SYNE2: variants seen among roughly 807,000 people sequenced by gnomAD.
SYNE2 encodes the protein spectrin repeat containing nuclear envelope protein 2.
A neutral mutation model predicts 856.3 loss-of-function variants in SYNE2; 431 were observed. The observed-to-expected ratio is 0.50, with a 90% confidence interval of 0.47 to 0.55. The LOEUF (loss-of-function observed/expected upper bound fraction) is 0.55, where lower values mean the gene tolerates loss of function less well. SYNE2 is among the 20% of genes least tolerant of loss of function. The pLI, the probability that SYNE2 is intolerant of heterozygous loss-of-function variation, is 0.00. For synonymous variants in SYNE2, 2,923 were observed against 2,872.3 expected (o/e 1.02, Z -0.56); for missense variants, 8,129 against 8,023.2 (o/e 1.01, Z -0.50).
intron 1 of SYNE2, among the ~76,000 whole-genome samples, chr14:63,816,075 A>G (rs1888976540): frequency 6.6e-6 from 1 of 151,642 alleles, no homozygotes; most frequent in Non-Finnish European, 1.5e-5. Context: ...CAGACTCCCA[A>G]GTAGATGGGA....
At position 63,909,039 on chromosome 14, in the gene SYNE2, T is replaced by C. The variant is rs898452107; in HGVS notation, c.-51-59T>C. On this transcript the variant is annotated intron_variant, in intron 1 of 115. Transcript: ENST00000555002. ...GTTGCTGCTGTTTTCTGGCAATGCA[T>C]GTTTACTAGAAACAGAGCTGCAAAG... The C allele has an allele frequency of 3.6e-5, 30 of 844,150 alleles. No homozygotes were observed. In the African/African-American group the frequency reaches 4.5e-4, roughly 13 times the overall value. The allele number at this position is 844,150 out of a possible 1,614,324, so 52.3% of individuals were successfully genotyped here.
rs886830410 is a variant in SYNE2 at position 64,039,733 on chromosome 14, T to G, written c.7222-8267T>G. Among the ~76,000 whole-genome samples, 19 of 152,308 alleles carry G rather than the reference T, an allele frequency of 1.2e-4. 2 individuals carry two copies. Among genetic ancestry groups the G allele is most frequent in the Admixed American group, 9.2e-4 (14 of 15,300 alleles). On this transcript the variant is annotated intron_variant, in intron 45 of 115. Transcript: ENST00000555002. Reference sequence around the variant, plus strand: ...TTTAAAATTATACTTTGTCTTGAGTTTATGCTAAGTATAATTTCTGTTTTA... The same window carrying G: ...TTTAAAATTATACTTTGTCTTGAGTGTATGCTAAGTATAATTTCTGTTTTA...
At chr14:64,141,589 T>C (rs2098139717) in intron 81 of SYNE2, 66 bp downstream of exon 81, 5 of 1,532,980 alleles carry the variant, frequency 3.3e-6, no homozygotes, top group Non-Finnish European at 4.5e-6. Context: ...CTTTTAAAAT[T>C]ATTTCTCTGA....
intron 1 of SYNE2, among the ~76,000 whole-genome samples, chr14:63,815,416 T>G (rs200144786): frequency 6.6e-6 from 1 of 151,696 alleles, no homozygotes; most frequent in East Asian, 1.9e-4. Context: ...AAGAAAGATA[T>G]AGGCTAGGAG....
chr14:64,212,979 C>T lies in SYNE2; in HGVS notation c.19030C>T (p.His6344Tyr). Residue 6344 changes from histidine (H) to tyrosine (Y), a missense_variant, in exon 105 of 116, where the codon CAC becomes TAC. Coordinates refer to ENST00000555002, the MANE Select transcript of SYNE2 (RefSeq NM_182914.3). ...GGTGTTTGGAAGGGTCTCCCGGTTC[C>T]ACCGGCGGCTCACCTCCTGCACTCC... ...QEVFGRVSRFHRRLTSCTPGL... is the reference protein window; with the variant it reads ...QEVFGRVSRFYRRLTSCTPGL... 1.9e-6 allele frequency: 3 copies of T among 1,613,828 alleles called. No individual in the cohort carries two copies. The highest frequency in any genetic ancestry group is 2.5e-6 in the Non-Finnish European group (3 of 1,179,998).
intron 64 of SYNE2, among the ~76,000 whole-genome samples, chr14:64,107,068 T>G (rs1406900385): frequency 2.6e-5 from 4 of 152,236 alleles, no homozygotes; most frequent in African/African-American, 9.6e-5. Context: ...TTGCTCAGGC[T>G]GGTCTCAAAC....
rs12589702 is a variant in SYNE2 at position 64,102,177 on chromosome 14, T to C, written c.12492+135T>C. 146,321 of 665,070 alleles carry C rather than the reference T, an allele frequency of 0.22. 19,943 individuals are homozygous for C. The highest frequency in any genetic ancestry group is 0.46 in the East Asian group (15,972 of 34,734). 41.2% of individuals were successfully genotyped at this position (665,070 alleles called of 1,614,324 possible). Reference sequence around the variant, plus strand: ...TGTCGCCCAGACTGGAGTGCAGTCGTATGATCTCAGCTCACTGCAACCTCC... The same window carrying C: ...TGTCGCCCAGACTGGAGTGCAGTCGCATGATCTCAGCTCACTGCAACCTCC... On this transcript the variant is annotated intron_variant, in intron 64 of 115. Coordinates refer to ENST00000555002, the MANE Select transcript of SYNE2 (RefSeq NM_182914.3).
At chr14:64,044,629 C>T (rs1177207256) in intron 45 of SYNE2, among the ~76,000 whole-genome samples, 2 of 152,158 alleles carry the variant, frequency 1.3e-5, no homozygotes, top group African/African-American at 4.8e-5. Context: ...TCCCATGTGT[C>T]ATGGGAGGAA....
chr14:64,082,809 C>G (rs1335439949), intron 57 of SYNE2, among the ~76,000 whole-genome samples: 1 of 152,228 alleles, frequency 6.6e-6, no homozygotes, highest in South Asian at 2.1e-4. Context: ...CCTTCCACTT[C>G]TAACACACCA....
At chr14:63,970,179 A>C (rs2096455380) in intron 11 of SYNE2, among the ~76,000 whole-genome samples, 1 of 148,726 alleles carries the variant, frequency 6.7e-6, no homozygotes, top group Non-Finnish European at 1.5e-5. Flanking sequence ...TTTCTTACCT[A>C]CTCTGCCAAT....
At chr14:64,087,973 A>G (rs2097576820) in intron 58 of SYNE2, 117 bp downstream of exon 58, 1 of 1,079,480 alleles carries the variant, frequency 9.3e-7, no homozygotes, top group African/African-American at 1.6e-5. Context: ...ACTTGAGGTC[A>G]GGAGTTCAAG....
intron 2 of SYNE2, among the ~76,000 whole-genome samples, chr14:63,914,967 G>A (rs1303182967): frequency 6.6e-6 from 1 of 152,068 alleles, no homozygotes; most frequent in Non-Finnish European, 1.5e-5. Context: ...TAGTAGAGAT[G>A]GGGTTTTGCC....
chr14:64,070,794 A>G lies in SYNE2; in HGVS notation c.10581A>G (p.Leu3527=). 5 of 1,614,220 alleles carry G rather than the reference A, an allele frequency of 3.1e-6. No individual in the cohort carries two copies. The highest frequency in any genetic ancestry group is 4.2e-6 in the Non-Finnish European group (5 of 1,180,036). The stretch of plus-strand genomic sequence containing the variant: ...AGAACGTGGAGAAGCAACAGCTGTT[A>G]CTGACTCTACTTCTTCAGCGCATCA... ...YGENVEKQQL[L]LTLLLQRIRS... is the part of the protein sequence containing the mutation. Residue 3527 remains leucine (L), a synonymous_variant, in exon 52 of 116, where the codon TTA becomes TTG. Coordinates refer to ENST00000555002, the MANE Select transcript of SYNE2 (RefSeq NM_182914.3).
In SYNE2 at chr14:64,182,204, C is replaced by T. The variant is rs759460729; in HGVS notation, c.17557-4220C>T. On this transcript the variant is annotated intron_variant, in intron 96 of 115. Transcript: ENST00000555002. ...AAATCCTGTGCAACACACCGCTTTT[C>T]GCAGCCAAACAACTTGAAATTTTAC... is the stretch of plus-strand genomic sequence containing the variant. Among the ~76,000 whole-genome samples, 14 of 152,122 alleles carry T rather than the reference C, an allele frequency of 9.2e-5. No homozygotes were observed. In the East Asian group the frequency reaches 9.7e-4, roughly 10 times the overall value.
rs1428217691 is a variant in SYNE2, at chr14:64,121,919, G to T, written c.13159-93G>T. 2.0e-6 allele frequency: 3 copies of T among 1,525,548 alleles called. No individual in the cohort carries two copies. In the East Asian group the frequency reaches 6.8e-5, roughly 34 times the overall value. 94.5% of individuals were successfully genotyped at this position (1,525,548 alleles called of 1,614,324 possible). On this transcript the variant is annotated intron_variant, in intron 68 of 115. Coordinates refer to ENST00000555002, the MANE Select transcript of SYNE2 (RefSeq NM_182914.3). ...ATAGTAATTAATGATTTAGGAACTG[G>T]CTCAAAATTAGATTTATCTCAGCAG... is the stretch of plus-strand genomic sequence containing the variant.
intron 1 of SYNE2, among the ~76,000 whole-genome samples, chr14:63,773,036 C>T (rs149965091): frequency 3.6e-4 from 55 of 151,948 alleles, no homozygotes; most frequent in African/African-American, 6.0e-4. Flanking sequence ...CCTCGGCCTC[C>T]GAAAGTGCTG....
At chr14:63,938,908 G>A (rs757585980) in intron 2 of SYNE2, among the ~76,000 whole-genome samples, 7 of 152,130 alleles carry the variant, frequency 4.6e-5, no homozygotes, top group Admixed American at 1.3e-4. Context: ...AAATGAGAGA[G>A]ACCTGAGAGT....
In SYNE2 at chr14:64,024,308, G is replaced by C. The variant is rs773841153; in HGVS notation, c.5689G>C (p.Val1897Leu). 1.9e-6 allele frequency: 3 copies of C among 1,614,048 alleles called. No individual in the cohort carries two copies. In the South Asian group the frequency reaches 3.3e-5, roughly 18 times the overall value. The change falls in exon 39 of 116, where the codon GTA (valine) becomes CTA (leucine). Residue 1897 changes from valine to leucine, a missense_variant. Val to Leu is a conservative substitution (Grantham distance 32). Around this residue, in one of 3 missense-constraint regions of SYNE2, gnomAD observed 2,422 missense variants for 2,357.4 expected, o/e 1.03. Coordinates refer to ENST00000555002, the MANE Select transcript of SYNE2 (RefSeq NM_182914.3). Reference sequence around the variant, plus strand: ...CAGTAAAATAAAGCAGGTGGACAGCGTACTGAAGCATGTGAAGAAGCATCT... The same window carrying C: ...CAGTAAAATAAAGCAGGTGGACAGCCTACTGAAGCATGTGAAGAAGCATCT... ...RNSKIKQVDS[V>L]LKHVKKHLPK... is the part of the protein sequence containing the mutation.
At chr14:64,083,926 ATTT>A (rs527947618) in intron 57 of SYNE2, among the ~76,000 whole-genome samples, 2 of 144,940 alleles carry the variant, frequency 1.4e-5, no homozygotes, top group Admixed American at 1.4e-4. Flanking sequence ...TAGAAAACTA[ATTT>A]TTTTTTTTTT....
Sources: gnomAD v4.1 joint callset for allele counts (sites outside exome capture counted in the v4.1 genomes callset) on GRCh38, gnomAD v4.1.1 for gene constraint, gnomAD v4.1.1 regional missense constraint, MANE v1.5 for transcripts, NCBI Gene and HGNC (gene_info 2026-07-23, HGNC 2026-07-21) for gene names.